Variants in TNR observed in about 807,000 individuals in gnomAD.
TNR encodes the protein tenascin R.
Under a neutral mutation model 150.4 loss-of-function variants are expected in TNR, and 45 were observed. The ratio of observed to expected loss-of-function variants is 0.30; its 90% CI spans 0.24 to 0.38. The LOEUF is 0.38. TNR is among the 10% of genes least tolerant of loss of function. The pLI is 1.00. For missense variants in TNR, 1,544 were observed against 1,759.1 expected (o/e 0.88, Z 2.19); for synonymous variants, 687 against 678.4 (o/e 1.01, Z -0.20).
chr1:175,710,879 C>T (rs371231799), intron 1 of TNR, among the ~76,000 whole-genome samples: 8 of 152,126 alleles, frequency 5.3e-5, no homozygotes, highest in East Asian at 1.9e-4. Flanking sequence ...AATTAGTTCA[C>T]CCGGATGCAG....
At chr1:175,524,878 G>A (rs1278869181) in intron 2 of TNR, among the ~76,000 whole-genome samples, 2 of 152,176 alleles carry the variant, frequency 1.3e-5, no homozygotes, top group East Asian at 1.9e-4. Context: ...TTGTCACAAT[G>A]GCACAGAATG....
rs149921251 is a variant in TNR at position 175,637,917 on chromosome 1, G to A, written c.-165+105309C>T. Among the ~76,000 whole-genome samples, 300 of 152,260 alleles carry A rather than the reference G, an allele frequency of 2.0e-3. 2 individuals carry two copies. The highest frequency in any genetic ancestry group is 0.011 in the East Asian group (57 of 5,184). On this transcript the variant is annotated intron_variant, in intron 1 of 22. Transcript: ENST00000367674. ...TGAGGGAGATGCTGAATATAATGAG[G>A]GGGAAATGAGCATCAATCCCTGGAG...
At chr1:175,390,234 T>C (rs1023325143) in intron 7 of TNR, among the ~76,000 whole-genome samples, 5 of 152,252 alleles carry the variant, frequency 3.3e-5, no homozygotes, top group Admixed American at 3.3e-4. Context: ...ATAAATGTGG[T>C]CTCATTACAT....
intron 1 of TNR, among the ~76,000 whole-genome samples, chr1:175,650,520 A>T (rs74935225): frequency 2.8e-4 from 42 of 151,936 alleles, no homozygotes; most frequent in Non-Finnish European, 5.6e-4. Context: ...CAACTAGAGA[A>T]GTCTAATTGG....
At chr1:175,532,093 A>G (rs1660092530) in intron 1 of TNR, among the ~76,000 whole-genome samples, 1 of 152,234 alleles carries the variant, frequency 6.6e-6, no homozygotes, top group Non-Finnish European at 1.5e-5. Context: ...CTTCACAGTA[A>G]CAGTTCTTTT....
intron 1 of TNR, among the ~76,000 whole-genome samples, chr1:175,533,247 G>C (rs1344192601): frequency 1.3e-5 from 2 of 152,160 alleles, no homozygotes; most frequent in East Asian, 3.8e-4. Context: ...CTGTAAGATG[G>C]GAATAATAAT....
intron 1 of TNR, among the ~76,000 whole-genome samples, chr1:175,553,930 C>T (rs1222710403): frequency 6.6e-6 from 1 of 151,854 alleles, no homozygotes; most frequent in Admixed American, 6.6e-5. Flanking sequence ...AGAACAAATG[C>T]ATTATCTTAA....
Position 175,468,210 on chromosome 1 carries a change from G to A in TNR, c.-64+60059C>T, listed in dbSNP as rs377080629. 4.6e-5 allele frequency among the ~76,000 whole-genome samples: 7 copies of A among 152,286 alleles called. No homozygotes were observed. The East Asian group carries it at 1.4e-3, about 29-fold the overall frequency. Reference sequence around the variant, plus strand: ...TAGTGAAGGAGATAGCACAGAGTGGGGAAAGGGCATGGGATGGAGTGTAGA... The same window carrying A: ...TAGTGAAGGAGATAGCACAGAGTGGAGAAAGGGCATGGGATGGAGTGTAGA... On this transcript the variant is annotated intron_variant, in intron 2 of 22. Transcript: ENST00000367674.
At chr1:175,395,071 A>G (rs1436214235) in intron 5 of TNR, among the ~76,000 whole-genome samples, 1 of 152,000 alleles carries the variant, frequency 6.6e-6, no homozygotes, top group Non-Finnish European at 1.5e-5. Context: ...TTTTAAAAAA[A>G]GGTCAAATAT....
At chr1:175,646,944 C>T (rs1214017077) in intron 1 of TNR, among the ~76,000 whole-genome samples, 1 of 152,176 alleles carries the variant, frequency 6.6e-6, no homozygotes, top group African/African-American at 2.4e-5. Flanking sequence ...GGTACCACAT[C>T]TGGTTAGTGG....
intron 1 of TNR, among the ~76,000 whole-genome samples, chr1:175,604,489 G>C (rs1421462596): frequency 6.6e-6 from 1 of 152,186 alleles, no homozygotes; most frequent in Non-Finnish European, 1.5e-5. Flanking sequence ...GTCACCCAAG[G>C]TCACAGTGGG....
At chr1:175,457,097 G>A (rs1656602505) in intron 2 of TNR, among the ~76,000 whole-genome samples, 1 of 152,208 alleles carries the variant, frequency 6.6e-6, no homozygotes, top group Non-Finnish European at 1.5e-5. Flanking sequence ...CTTAAATCCT[G>A]TTAAGGTTCC....
chr1:175,417,842 A>C (rs1475958457), intron 2 of TNR, among the ~76,000 whole-genome samples: 2 of 152,362 alleles, frequency 1.3e-5, no homozygotes, highest in East Asian at 3.9e-4. Context: ...TCCTTCCAGC[A>C]GGAAGCAAAT....
At chr1:175,524,702 G>GTC (rs1659783517) in intron 2 of TNR, among the ~76,000 whole-genome samples, 1 of 152,174 alleles carries the variant, frequency 6.6e-6, no homozygotes, top group African/African-American at 2.4e-5. Context: ...ATAGCTCCAG[G>GTC]CTTAGCGAAG....
chr1:175,690,181 A>G (rs969485800), intron 1 of TNR, among the ~76,000 whole-genome samples: 2 of 152,224 alleles, frequency 1.3e-5, no homozygotes, highest in Non-Finnish European at 2.9e-5. Flanking sequence ...GTGGATCTTT[A>G]TAACTCAATA....
At chr1:175,667,075 G>A (rs991557329) in intron 1 of TNR, among the ~76,000 whole-genome samples, 1 of 152,072 alleles carries the variant, frequency 6.6e-6, no homozygotes, top group Non-Finnish European at 1.5e-5. Flanking sequence ...TAATCATACT[G>A]TTCCTTCTTC....
At chr1:175,431,256 A>G (rs776484312) in intron 2 of TNR, among the ~76,000 whole-genome samples, 3 of 152,268 alleles carry the variant, frequency 2.0e-5, no homozygotes, top group African/African-American at 4.8e-5. Flanking sequence ...AAGTTTTAAA[A>G]TATAAATTTG....
At chr1:175,694,074 T>C (rs535591265) in intron 1 of TNR, among the ~76,000 whole-genome samples, 1 of 152,354 alleles carries the variant, frequency 6.6e-6, no homozygotes, top group South Asian at 2.1e-4. Context: ...GTTGTATTTA[T>C]GTCTAGTTTT....
At chr1:175,442,017 A>G (rs545569425) in intron 2 of TNR, among the ~76,000 whole-genome samples, 1 of 152,186 alleles carries the variant, frequency 6.6e-6, no homozygotes, top group East Asian at 1.9e-4. Flanking sequence ...ACAGAGGGGG[A>G]AAAGCTGGCA....
Sources: gnomAD v4.1 joint callset for allele counts (sites outside exome capture counted in the v4.1 genomes callset) on GRCh38, gnomAD v4.1.1 for gene constraint, MANE v1.5 for transcripts, NCBI Gene and HGNC (gene_info 2026-07-23, HGNC 2026-07-21) for gene names.